The following MKLN1 variants were observed in gnomAD, a reference collection of about 807,000 sequenced individuals.
The protein encoded by MKLN1 is muskelin 1, also known as muskelin.
In MKLN1, 18 loss-of-function variants were observed where a neutral mutation model predicts 99.0. The observed-to-expected ratio is 0.18, with a 90% CI of 0.13 to 0.27. MKLN1 has a LOEUF of 0.27. MKLN1 is among the 10% of genes least tolerant of loss of function. The pLI, the probability that MKLN1 is intolerant of heterozygous loss-of-function variation, is 1.00. For missense variants in MKLN1, 621 were observed against 875.9 expected (o/e 0.71, Z 3.67); for synonymous variants, 288 against 293.2 (o/e 0.98, Z 0.18).
At chr7:131,125,569 G>A (rs1795440582) in intron 1 of MKLN1, among the ~76,000 whole-genome samples, 1 of 152,038 alleles carries the variant, frequency 6.6e-6, no homozygotes, top group Non-Finnish European at 1.5e-5. Context: ...AAGAAAAGAC[G>A]AGCATCCAAA....
intron 2 of MKLN1, among the ~76,000 whole-genome samples, chr7:131,144,306 G>A (rs991858874): frequency 3.3e-5 from 5 of 151,214 alleles, no homozygotes; most frequent in African/African-American, 4.9e-5. Flanking sequence ...GTGAAACCCC[G>A]TCTCTACTAA....
chr7:131,237,970 A>G (rs1337563451), intron 3 of MKLN1, among the ~76,000 whole-genome samples: 1 of 152,064 alleles, frequency 6.6e-6, no homozygotes, highest in Non-Finnish European at 1.5e-5. Context: ...AACATGGCAA[A>G]ACCCTGTCTC....
intron 12 of MKLN1, among the ~76,000 whole-genome samples, chr7:131,448,042 C>T (rs1365667749): frequency 1.3e-5 from 2 of 152,104 alleles, no homozygotes; most frequent in Admixed American, 6.5e-5. Context: ...TCCTGGCTAA[C>T]GTGGTGAAAC....
At chr7:131,315,757 C>G (rs772274219) in intron 3 of MKLN1, among the ~76,000 whole-genome samples, 1 of 152,166 alleles carries the variant, frequency 6.6e-6, no homozygotes, top group African/African-American at 2.4e-5. Flanking sequence ...GCAGTTTTCC[C>G]CTGATAGTGA....
chr7:131,486,871 G>C (rs1474070612), intron 17 of MKLN1, among the ~76,000 whole-genome samples: 1 of 152,102 alleles, frequency 6.6e-6, no homozygotes, highest in Non-Finnish European at 1.5e-5. Flanking sequence ...AAATCCTTTA[G>C]ATTAACAGTC....
At chr7:131,226,913 T>C (rs1167454188) in intron 3 of MKLN1, among the ~76,000 whole-genome samples, 1 of 152,256 alleles carries the variant, frequency 6.6e-6, no homozygotes, top group East Asian at 1.9e-4. Context: ...ATACCTTGTG[T>C]ACTTGTGATC....
chr7:131,297,315 A>C (rs1169871329), intron 3 of MKLN1, among the ~76,000 whole-genome samples: 1 of 152,024 alleles, frequency 6.6e-6, no homozygotes, highest in African/African-American at 2.4e-5. Context: ...GAGCCGAGAT[A>C]GCGCCACTGC....
chr7:131,270,538 A>G (rs539125090), intron 3 of MKLN1, among the ~76,000 whole-genome samples: 1 of 152,306 alleles, frequency 6.6e-6, no homozygotes, highest in African/African-American at 2.4e-5. Context: ...GTAACTTTTC[A>G]CTGGTCCATC....
intron 2 of MKLN1, among the ~76,000 whole-genome samples, chr7:131,198,486 C>T (rs2116402582): frequency 6.6e-6 from 1 of 152,248 alleles, no homozygotes; most frequent in South Asian, 2.1e-4. Flanking sequence ...TCTGAAACAA[C>T]TAAATGTGAC....
chr7:131,435,855 AT>A (rs987741919), intron 9 of MKLN1, among the ~76,000 whole-genome samples: 61 of 149,010 alleles, frequency 4.1e-4, no homozygotes, highest in Non-Finnish European at 7.5e-4. Flanking sequence ...AATTTTCTCT[AT>A]TTTTTTTCAT....
chr7:131,182,447 C>T (rs13233443), intron 2 of MKLN1, among the ~76,000 whole-genome samples: 37,299 of 152,096 alleles, frequency 0.25, 5,730 homozygotes, highest in Non-Finnish European at 0.36. Context: ...TAAACAAATC[C>T]CTGGAATATA....
chr7:131,189,489 C>G (rs1014710286), intron 2 of MKLN1, among the ~76,000 whole-genome samples: 1 of 151,386 alleles, frequency 6.6e-6, no homozygotes, highest in East Asian at 1.9e-4. Context: ...TTGCTTCTTA[C>G]GGTATTTCAG....
At chr7:131,205,250 A>G (rs1472957898) in intron 3 of MKLN1, among the ~76,000 whole-genome samples, 3 of 152,242 alleles carry the variant, frequency 2.0e-5, no homozygotes, top group African/African-American at 7.2e-5. Context: ...CTAGGATTTA[A>G]CAGTCTAATT....
intron 3 of MKLN1, among the ~76,000 whole-genome samples, chr7:131,286,715 A>G (rs1301702623): frequency 3.9e-5 from 6 of 152,258 alleles, no homozygotes. Context: ...GTTTCGAATA[A>G]GAATGTCATA....
chr7:131,290,126 T>C (rs1415383103), intron 3 of MKLN1, among the ~76,000 whole-genome samples: 1 of 152,124 alleles, frequency 6.6e-6, no homozygotes, highest in Non-Finnish European at 1.5e-5. Flanking sequence ...ACCAACATGG[T>C]GAAACCTCAT....
intron 12 of MKLN1, among the ~76,000 whole-genome samples, chr7:131,458,406 T>G (rs1796412941): frequency 6.6e-6 from 1 of 152,118 alleles, no homozygotes; most frequent in Non-Finnish European, 1.5e-5. Flanking sequence ...ATGATCAAAA[T>G]TTGTTGTTGC....
intron 3 of MKLN1, among the ~76,000 whole-genome samples, chr7:131,234,232 G>A (rs985256637): frequency 1.4e-4 from 21 of 151,618 alleles, no homozygotes; most frequent in African/African-American, 3.6e-4. Flanking sequence ...CGCCTGCCTC[G>A]GCCTCCCAAA....
intron 3 of MKLN1, among the ~76,000 whole-genome samples, chr7:131,315,255 G>A (rs1032073611): frequency 1.3e-5 from 2 of 151,964 alleles, no homozygotes; most frequent in South Asian, 2.1e-4. Context: ...GACAGTGGGT[G>A]CAACCCATGG....
chr7:131,458,727 G>A (rs1160932616), intron 12 of MKLN1, among the ~76,000 whole-genome samples: 1 of 151,650 alleles, frequency 6.6e-6, no homozygotes, highest in Non-Finnish European at 1.5e-5. Context: ...ATATATATAT[G>A]TAGTCATATG....
Sources: allele counts gnomAD v4.1 joint callset (sites outside exome capture counted in the v4.1 genomes callset), GRCh38; gene constraint gnomAD v4.1.1; transcripts MANE v1.5; gene names NCBI Gene and HGNC (gene_info 2026-07-23, HGNC 2026-07-21).